Variants in DYM observed in about 807,000 individuals in gnomAD.
The protein encoded by DYM is dyggve-Melchior-Clausen syndrome protein.
Under a neutral mutation model 93.1 loss-of-function variants are expected in DYM, and 78 were observed. The ratio of observed to expected loss-of-function variants is 0.84; its 90% CI spans 0.70 to 1.01. The LOEUF (loss-of-function observed/expected upper bound fraction) is 1.01. DYM is among the 50% of genes least tolerant of loss of function. The probability of loss-of-function intolerance (pLI) is 0.00; values close to 1 mark genes in which losing one functional copy is unlikely to be tolerated. For synonymous variants in DYM, 321 were observed against 319.7 expected (o/e 1.00, Z -0.04); for missense variants, 789 against 845.0 (o/e 0.93, Z 0.82).
chr18:49,420,031 AG>A (rs2073465948), intron 2 of DYM, among the ~76,000 whole-genome samples: 1 of 152,204 alleles, frequency 6.6e-6, no homozygotes, highest in African/African-American at 2.4e-5. Context: ...GCTCATCCCC[AG>A]TATGACCTTT....
At chr18:49,183,308 G>C (rs949476929) in intron 14 of DYM, among the ~76,000 whole-genome samples, 7 of 152,048 alleles carry the variant, frequency 4.6e-5, no homozygotes, top group Non-Finnish European at 7.4e-5. Context: ...CAACATATTA[G>C]GTACTTGCTA....
intron 5 of DYM, among the ~76,000 whole-genome samples, chr18:49,372,408 A>G (rs2067128443): frequency 6.6e-6 from 1 of 152,232 alleles, no homozygotes; most frequent in Non-Finnish European, 1.5e-5. Flanking sequence ...CATTGGACTT[A>G]AGCTGGTGGA....
At chr18:49,318,226 T>C (rs948702416) in intron 8 of DYM, among the ~76,000 whole-genome samples, 3 of 152,114 alleles carry the variant, frequency 2.0e-5, no homozygotes, top group Non-Finnish European at 2.9e-5. Flanking sequence ...AGGCAGGAAA[T>C]GCAGGGGCTA....
Position 49,282,037 on chromosome 18 carries a change from A to G in DYM, c.1085T>C (p.Ile362Thr), listed in dbSNP as rs751607850. The part of the protein sequence containing the change: ...LYTLLHQNSN[I>T]RTYMLARTDM... ...TGTGCGAGCCAACATGTATGTTCTA[A>G]TATTACTATTTTGATGGAGCAAGGT... Residue 362 changes from isoleucine to threonine, a missense_variant, in exon 10 of 18, where the codon ATT (isoleucine) becomes ACT (threonine). Around this residue, in one of 3 missense-constraint regions of DYM, gnomAD observed 450 missense variants for 436.2 expected, o/e 1.03. Coordinates refer to ENST00000675505, the MANE Select transcript of DYM (RefSeq NM_001353214.3). 3.1e-6 allele frequency: 5 copies of G among 1,614,050 alleles called. No individual in the cohort carries two copies. The highest frequency in any genetic ancestry group is 4.2e-6 in the Non-Finnish European group (5 of 1,179,948).
At chr18:49,337,002 T>C (rs2063719671) in intron 6 of DYM, among the ~76,000 whole-genome samples, 1 of 152,212 alleles carries the variant, frequency 6.6e-6, no homozygotes, top group Admixed American at 6.5e-5. Flanking sequence ...TTCTCAACTC[T>C]AGTATATAAT....
intron 15 of DYM, among the ~76,000 whole-genome samples, chr18:49,119,788 A>G (rs2082216170): frequency 6.6e-6 from 1 of 152,282 alleles, no homozygotes; most frequent in Admixed American, 6.5e-5. Context: ...GGAAAAAAAA[A>G]TACTATAGAT....
chr18:49,133,449 G>C (rs1170846281), intron 15 of DYM, among the ~76,000 whole-genome samples: 1 of 152,184 alleles, frequency 6.6e-6, no homozygotes, highest in African/African-American at 2.4e-5. Context: ...ATTCAGATAG[G>C]TTTGGTTCCT....
chr18:49,078,564 T>G (rs1429048435), intron 17 of DYM, among the ~76,000 whole-genome samples: 1 of 152,206 alleles, frequency 6.6e-6, no homozygotes, highest in Non-Finnish European at 1.5e-5. Flanking sequence ...GCTCTTTCCC[T>G]TCTGGGATTC....
In DYM at chr18:49,102,415, CTTAT is replaced by C. The variant is rs200204307; in HGVS notation, c.1912-4904_1912-4901del. On this transcript the variant is annotated intron_variant, in intron 16 of 17. Transcript: ENST00000675505. ...AAGTATTTGGAGATTTTCCAGATAT[CTTAT>C]TTCTTTTTTTTAATACTTTCAGTTT... Among the ~76,000 whole-genome samples the C allele has an allele frequency of 3.6e-3, 544 of 151,964 alleles. 27 individuals are homozygous for C. The East Asian group carries it at 0.084, about 23-fold the overall frequency.
chr18:49,064,227 A>G (rs147010264), intron 17 of DYM, among the ~76,000 whole-genome samples: 174 of 152,344 alleles, frequency 1.1e-3, no homozygotes, highest in African/African-American at 3.9e-3. Context: ...ATGCCTGGAA[A>G]AGTAGCATTT....
chr18:49,041,091 G>C lies in DYM; in HGVS notation c.*2964C>G, dbSNP rs916857941. Among the ~76,000 whole-genome samples the C allele has an allele frequency of 6.6e-6, 1 of 152,074 alleles. No individual in the cohort carries two copies. Among genetic ancestry groups the C allele is most frequent in the African/African-American group, 2.4e-5 (1 of 41,388 alleles). On this transcript the variant is annotated 3_prime_UTR_variant, in exon 18 of 18. Transcript: ENST00000675505. ...GGACCTTCTCTTCTTTCCTTTCTCT[G>C]TCTTTGTCCTTGAGCTGTGTTGTCT...
intron 14 of DYM, chr18:49,208,650 A>G (rs1170979850): frequency 6.6e-6 from 1 of 152,168 alleles, no homozygotes. Flanking sequence ...ATGTTTCATC[A>G]TCTGAAAAGG....
At chr18:49,287,056 T>C (rs1221214996) in intron 8 of DYM, among the ~76,000 whole-genome samples, 1 of 152,006 alleles carries the variant, frequency 6.6e-6, no homozygotes, top group Non-Finnish European at 1.5e-5. Context: ...CCAGGTGTGA[T>C]GGCAGGCGCC....
chr18:49,345,946 C>T (rs1310464063), intron 6 of DYM, among the ~76,000 whole-genome samples: 1 of 152,124 alleles, frequency 6.6e-6, no homozygotes, highest in African/African-American at 2.4e-5. Flanking sequence ...TATTTTGACA[C>T]TGATCTACAA....
Position 49,041,596 on chromosome 18 carries a change from G to A in DYM, c.*2459C>T, listed in dbSNP as rs915910685. On this transcript the variant is annotated 3_prime_UTR_variant, in exon 18 of 18. Transcript: ENST00000675505. ...ACGTGGTGGGGCCTCCCTCCTGAGC[G>A]GGAACCAGGACTGGGAGCATCACTT... 13 of 152,380 alleles carry A rather than the reference G, an allele frequency of 8.5e-5. No homozygotes were observed. Among genetic ancestry groups the A allele is most frequent in the Admixed American group, 1.3e-4 (2 of 15,310 alleles). The allele number at this position is 152,380 out of a possible 1,614,324, so 9.4% of individuals were successfully genotyped here. A position where few individuals can be genotyped will look rare whatever the true frequency, so the allele number is the denominator to read the frequency against.
At chr18:49,080,503 G>T (rs1369486592) in intron 17 of DYM, among the ~76,000 whole-genome samples, 1 of 140,168 alleles carries the variant, frequency 7.1e-6, no homozygotes, top group Non-Finnish European at 1.6e-5. Flanking sequence ...GCGGCTGGCC[G>T]GGCAGAGGGG....
intron 17 of DYM, among the ~76,000 whole-genome samples, chr18:49,052,690 C>T (rs753055502): frequency 8.5e-5 from 13 of 152,238 alleles, no homozygotes; most frequent in Non-Finnish European, 1.5e-4. Context: ...CTCTTAACTC[C>T]GACATCCGTC....
chr18:49,346,916 A>T (rs1017149496), intron 6 of DYM, among the ~76,000 whole-genome samples: 1 of 152,092 alleles, frequency 6.6e-6, no homozygotes, highest in African/African-American at 2.4e-5. Flanking sequence ...AAATACCCTA[A>T]CCTATTATAT....
At chr18:49,356,394 ATCTTTGAT>A (rs1233591670) in intron 6 of DYM, among the ~76,000 whole-genome samples, 1 of 152,166 alleles carries the variant, frequency 6.6e-6, no homozygotes, top group Non-Finnish European at 1.5e-5. Flanking sequence ...AAATACTACA[ATCTTTGAT>A]TCTTTGATTC....
Sources: gnomAD v4.1 joint callset for allele counts (sites outside exome capture counted in the v4.1 genomes callset) on GRCh38, gnomAD v4.1.1 for gene constraint, gnomAD v4.1.1 regional missense constraint, MANE v1.5 for transcripts, NCBI Gene and HGNC (gene_info 2026-07-23, HGNC 2026-07-21) for gene names.